Variants in NEGR1 observed in about 807,000 individuals in gnomAD.
The protein encoded by NEGR1 is neuronal growth regulator 1, also known as IgLON family member 4.
In NEGR1, 10 loss-of-function variants were observed where a neutral mutation model predicts 40.9. That is an observed-to-expected ratio of 0.24 (90% CI 0.15 to 0.42). The LOEUF is 0.42. Among genes scored for constraint, NEGR1 ranks in the 10% least tolerant of loss-of-function variants. The probability of loss-of-function intolerance (pLI) is 1.00; values close to 1 mark genes in which losing one functional copy is unlikely to be tolerated. For missense variants in NEGR1, 352 were observed against 438.9 expected (o/e 0.80, Z 1.77); for synonymous variants, 185 against 166.8 (o/e 1.11, Z -0.84).
chr1:72,243,858 C>A (rs1417436953), intron 1 of NEGR1, among the ~76,000 whole-genome samples: 2 of 151,694 alleles, frequency 1.3e-5, no homozygotes, highest in Non-Finnish European at 3.0e-5. Context: ...TTCTTTATGG[C>A]ATGAGGTTTT....
At chr1:71,663,018 A>G (rs915255166) in intron 4 of NEGR1, among the ~76,000 whole-genome samples, 6 of 151,330 alleles carry the variant, frequency 4.0e-5, no homozygotes, top group African/African-American at 1.2e-4. Flanking sequence ...GTGCAGTGGC[A>G]CGATCTCGGC....
At position 71,935,059 on chromosome 1, in the gene NEGR1, G is replaced by A; in HGVS notation, c.409+20C>T. The A allele has an allele frequency of 7.3e-7, 1 of 1,365,006 alleles. No homozygotes were observed. Among genetic ancestry groups the A allele is most frequent in the Non-Finnish European group, 1.0e-6 (1 of 953,500 alleles). The allele number at this position is 1,365,006 out of a possible 1,614,324, so 84.6% of individuals were successfully genotyped here. A position where few individuals can be genotyped will look rare whatever the true frequency, so the allele number is the denominator to read the frequency against. ...TCTAAGCACAGTCTTTCACAATATAGCAGTTCTGAAAATACATACCTTGCA... is the reference window on the plus strand; with the variant it reads ...TCTAAGCACAGTCTTTCACAATATAACAGTTCTGAAAATACATACCTTGCA... On this transcript the variant is annotated intron_variant, in intron 2 of 6. Transcript: ENST00000357731.
intron 1 of NEGR1, among the ~76,000 whole-genome samples, chr1:72,070,460 C>T (rs1647414036): frequency 6.6e-6 from 1 of 151,838 alleles, no homozygotes; most frequent in African/African-American, 2.4e-5. Flanking sequence ...ATGTTTAATA[C>T]TATAATTTCC....
chr1:71,949,663 T>G (rs1482303965), intron 1 of NEGR1, among the ~76,000 whole-genome samples: 1 of 152,106 alleles, frequency 6.6e-6, no homozygotes, highest in African/African-American at 2.4e-5. Context: ...CTTTAGAACT[T>G]TTGTTTCAAA....
chr1:71,806,060 A>C (rs13375194), intron 2 of NEGR1, among the ~76,000 whole-genome samples: 2,599 of 152,274 alleles, frequency 0.017, 61 homozygotes, highest in African/African-American at 0.059. Context: ...AAGAATCTGA[A>C]TATTGCAGTG....
intron 1 of NEGR1, among the ~76,000 whole-genome samples, chr1:71,950,154 T>C (rs1646056673): frequency 6.6e-6 from 1 of 152,034 alleles, no homozygotes; most frequent in African/African-American, 2.4e-5. Flanking sequence ...AACATGGTCT[T>C]GGTGAAATAT....
intron 6 of NEGR1, among the ~76,000 whole-genome samples, chr1:71,428,695 T>G (rs1462993409): frequency 6.7e-6 from 1 of 150,230 alleles, no homozygotes; most frequent in East Asian, 1.9e-4. Context: ...TTATATAAAT[T>G]TATTTACTCC....
At chr1:71,847,712 G>A (rs1179328907) in intron 2 of NEGR1, among the ~76,000 whole-genome samples, 2 of 151,964 alleles carry the variant, frequency 1.3e-5, no homozygotes, top group Non-Finnish European at 2.9e-5. Flanking sequence ...ATTGAAATTA[G>A]GCCACTTAAT....
At chr1:72,272,646 T>A (rs1251567793) in intron 1 of NEGR1, among the ~76,000 whole-genome samples, 1 of 151,926 alleles carries the variant, frequency 6.6e-6, no homozygotes, top group Non-Finnish European at 1.5e-5. Context: ...GGAACACATA[T>A]TTTCCATGGC....
chr1:71,793,744 G>A (rs1395482662), intron 2 of NEGR1, among the ~76,000 whole-genome samples: 1 of 151,866 alleles, frequency 6.6e-6, no homozygotes, highest in African/African-American at 2.4e-5. Flanking sequence ...TAGGAATGAG[G>A]AAATTATTTA....
intron 2 of NEGR1, among the ~76,000 whole-genome samples, chr1:71,908,267 T>C (rs1661332840): frequency 6.6e-6 from 1 of 152,006 alleles, no homozygotes; most frequent in African/African-American, 2.4e-5. Flanking sequence ...AGGAATGTTC[T>C]ATACAACATT....
chr1:71,816,965 C>CA (rs1658245520), intron 2 of NEGR1, among the ~76,000 whole-genome samples: 1 of 150,348 alleles, frequency 6.7e-6, no homozygotes, highest in African/African-American at 2.5e-5. Flanking sequence ...AAAAAAATGA[C>CA]AAAAACTATC....
At chr1:71,449,127 T>C (rs1283459088) in intron 6 of NEGR1, among the ~76,000 whole-genome samples, 4 of 152,218 alleles carry the variant, frequency 2.6e-5, no homozygotes, top group Non-Finnish European at 4.4e-5. Flanking sequence ...CCCTCAACTC[T>C]GTGAACCCTA....
intron 1 of NEGR1, among the ~76,000 whole-genome samples, chr1:72,103,430 A>G (rs1194322648): frequency 1.3e-5 from 2 of 152,078 alleles, no homozygotes; most frequent in African/African-American, 4.8e-5. Context: ...TCTGTCTCCC[A>G]CCAATTCCTT....
intron 4 of NEGR1, among the ~76,000 whole-genome samples, chr1:71,619,609 A>C (rs1344223117): frequency 6.6e-6 from 1 of 152,052 alleles, no homozygotes; most frequent in East Asian, 1.9e-4. Context: ...ATTTCAGAGG[A>C]ATGTTATTAG....
At chr1:71,440,248 T>C (rs1646537803) in intron 6 of NEGR1, among the ~76,000 whole-genome samples, 2 of 152,204 alleles carry the variant, frequency 1.3e-5, no homozygotes, top group South Asian at 4.1e-4. Context: ...TGATTTACTA[T>C]GATGTGAGAA....
At position 71,683,045 on chromosome 1, in the gene NEGR1, C is replaced by A. The variant is rs145914149; in HGVS notation, c.667+14963G>T. Among the ~76,000 whole-genome samples the A allele has an allele frequency of 2.2e-3, 332 of 152,166 alleles. 1 individual carries two copies. The highest frequency in any genetic ancestry group is 7.8e-3 in the African/African-American group (323 of 41,514). On this transcript the variant is annotated intron_variant, in intron 4 of 6. Coordinates refer to ENST00000357731, the MANE Select transcript of NEGR1 (RefSeq NM_173808.3). ...TCTTTCTTTATAAATTACCCAATTT[C>A]AGGGATTCCTTTATAGAAACTCAAA...
chr1:71,536,842 T>C (rs1157190679), intron 6 of NEGR1, among the ~76,000 whole-genome samples: 2 of 151,768 alleles, frequency 1.3e-5, no homozygotes, highest in Non-Finnish European at 2.9e-5. Context: ...TCTCCCTTTA[T>C]ATCTCTAAAC....
chr1:71,945,303 G>T (rs10158969), intron 1 of NEGR1, among the ~76,000 whole-genome samples: 5,538 of 152,158 alleles, frequency 0.036, 330 homozygotes, highest in African/African-American at 0.13. Context: ...AGGACAGAAG[G>T]AGGTGCATGA....
Sources: allele counts gnomAD v4.1 joint callset (sites outside exome capture counted in the v4.1 genomes callset), GRCh38; gene constraint gnomAD v4.1.1; transcripts MANE v1.5; gene names NCBI Gene and HGNC (gene_info 2026-07-23, HGNC 2026-07-21).